ADPRM: variants seen among roughly 807,000 people sequenced by gnomAD.
ADPRM encodes ADP-ribose/CDP-alcohol diphosphatase, manganese dependent.
ADPRM carries 17 observed loss-of-function variants against 27.2 expected under a neutral mutation model. The observed-to-expected ratio is 0.63, with a 90% CI of 0.43 to 0.94. The LOEUF (loss-of-function observed/expected upper bound fraction) is 0.94. Ranked by LOEUF, ADPRM falls within the 40% of genes least tolerant of loss-of-function variation. The probability of loss-of-function intolerance (pLI) is 0.00; values close to 1 mark genes in which losing one functional copy is unlikely to be tolerated. For missense variants in ADPRM, 337 were observed against 412.8 expected (o/e 0.82, Z 1.59); for synonymous variants, 135 against 145.3 (o/e 0.93, Z 0.51).
chr17:10,703,467 A>G (rs2074792509), intron 1 of ADPRM, among the ~76,000 whole-genome samples: 1 of 152,236 alleles, frequency 6.6e-6, no homozygotes, highest in Admixed American at 6.5e-5. Context: ...TAAGGAAGAA[A>G]GTAGCTGAAA....
At chr17:10,698,809 T>C (rs1567578415) in intron 1 of ADPRM, among the ~76,000 whole-genome samples, 1 of 152,256 alleles carries the variant, frequency 6.6e-6, no homozygotes, top group Non-Finnish European at 1.5e-5. Context: ...TTTTCTATCT[T>C]ATAGTTGCCT....
chr17:10,699,969 T>A (rs932590808), intron 1 of ADPRM, among the ~76,000 whole-genome samples: 1 of 152,224 alleles, frequency 6.6e-6, no homozygotes, highest in African/African-American at 2.4e-5. Context: ...CCCTAACTTT[T>A]GTGAACTTCC....
At chr17:10,699,699 A>T (rs759133381) in intron 1 of ADPRM, among the ~76,000 whole-genome samples, 49 of 151,774 alleles carry the variant, frequency 3.2e-4, no homozygotes, top group Non-Finnish European at 5.4e-4. Flanking sequence ...TAATTTAAAA[A>T]ATATATATAT....
At chr17:10,698,326 T>A (rs1030053033) in intron 1 of ADPRM, 2 of 152,234 alleles carry the variant, frequency 1.3e-5, no homozygotes, top group Admixed American at 6.5e-5. Context: ...GAACTGCTTA[T>A]GTTCCTTGTT....
chr17:10,699,510 TTTTC>T lies in ADPRM; in HGVS notation c.-18+1851_-18+1854del, dbSNP rs1229245203. On this transcript the variant is annotated intron_variant, in intron 1 of 3. Coordinates refer to ENST00000379774, the MANE Select transcript of ADPRM (RefSeq NM_020233.5). ...TTGTTTTCCAAGTTAGATATTTTTC[TTTTC>T]TTTCTTTTTTTTTTTTTTTTTTTTT... Among the ~76,000 whole-genome samples, 204 of 149,894 alleles carry T rather than the reference TTTTC, an allele frequency of 1.4e-3. 1 individual carries two copies. The highest frequency in any genetic ancestry group is 2.4e-3 in the Non-Finnish European group (159 of 67,578).
At chr17:10,697,740 A>G in intron 1 of ADPRM, 73 bp downstream of exon 1, 1 of 609,626 alleles carries the variant, frequency 1.6e-6, no homozygotes, top group Non-Finnish European at 2.9e-6. Context: ...GGGACAGCGG[A>G]GCGCCGGGAA....
Position 10,705,133 on chromosome 17 carries a change from C to G in ADPRM, c.207C>G (p.Val69=). Residue 69 remains valine (V), a synonymous_variant, in exon 2 of 4, where the codon GTC becomes GTG. Transcript: ENST00000379774. The surrounding 1 kb of genome is among the most constrained non-coding windows in gnomAD (Gnocchi z 5.4). ...WNNESSMPCC[V]LQLGDIIDGY... is the part of the protein sequence containing the mutation. The stretch of plus-strand genomic sequence containing the variant: ...ATGAAAGCAGCATGCCCTGTTGTGT[C>G]CTTCAGCTTGGAGATATCATCGATG... The G allele has an allele frequency of 9.9e-6, 16 of 1,614,080 alleles. No individual in the cohort carries two copies. Among genetic ancestry groups the G allele is most frequent in the Non-Finnish European group, 1.2e-5 (14 of 1,180,012 alleles).
chr17:10,697,856 C>T (rs958159709), intron 1 of ADPRM, 189 bp downstream of exon 1: 108 of 332,208 alleles, frequency 3.3e-4, no homozygotes, highest in African/African-American at 2.3e-3. Context: ...ACAGCTAGCT[C>T]CTCGCGCCGG....
chr17:10,704,822 C>T (rs1045130930), intron 1 of ADPRM, 88 bp from the exon 2 acceptor site: 1 of 1,173,496 alleles, frequency 8.5e-7, no homozygotes, highest in Non-Finnish European at 1.2e-6. Flanking sequence ...AATGAATTAA[C>T]CTTTAACATT....
At chr17:10,697,698 C>T in intron 1 of ADPRM, 31 bp downstream of exon 1, 1 of 734,320 alleles carries the variant, frequency 1.4e-6, no homozygotes, top group Non-Finnish European at 2.3e-6. Flanking sequence ...GGAGGCGGGT[C>T]TGGCGCGGGC....
Position 10,705,024 on chromosome 17 carries a change from A to G in ADPRM, c.98A>G (p.Asp33Gly). Residue 33 changes from aspartate to glycine, a missense_variant, in exon 2 of 4, where the codon GAT (aspartate) becomes GGT (glycine). By Grantham distance (94) the Asp-to-Gly change is moderately conservative. Coordinates refer to ENST00000379774, the MANE Select transcript of ADPRM (RefSeq NM_020233.5). The surrounding 1 kb of genome is among the most constrained non-coding windows in gnomAD (Gnocchi z 5.4). ...IADVQFADLE[D>G]GFNFQGTRRR... ...GATGTTCAATTTGCAGACTTAGAAG[A>G]TGGCTTTAATTTCCAAGGAACCAGG... 6 of 1,614,170 alleles carry G rather than the reference A, an allele frequency of 3.7e-6. No homozygotes were observed. Among genetic ancestry groups the G allele is most frequent in the Non-Finnish European group, 5.1e-6 (6 of 1,180,020 alleles).
chr17:10,709,568 C>T (rs1231764906), intron 3 of ADPRM, among the ~76,000 whole-genome samples: 1 of 152,054 alleles, frequency 6.6e-6, no homozygotes, highest in African/African-American at 2.4e-5. Context: ...CAGTGGTGTC[C>T]TGGAATCCAA....
rs117080982 is a variant in ADPRM at position 10,702,533 on chromosome 17, C to T, written c.-17-2377C>T. 5.7e-3 allele frequency among the ~76,000 whole-genome samples: 866 copies of T among 152,316 alleles called. 1 individual carries two copies. Among genetic ancestry groups the T allele is most frequent in the Non-Finnish European group, 8.3e-3 (566 of 68,032 alleles). ...TTTTCAGAAATCTCCATCTTTCCATCATTCAGAATTGTTTCTTTCTATGTT... is the reference window on the plus strand; with the variant it reads ...TTTTCAGAAATCTCCATCTTTCCATTATTCAGAATTGTTTCTTTCTATGTT... On this transcript the variant is annotated intron_variant, in intron 1 of 3. Transcript: ENST00000379774. The surrounding 1 kb of genome is among the most constrained non-coding windows in gnomAD (Gnocchi z 4.2).
intron 1 of ADPRM, chr17:10,698,067 T>A (rs1410923702): frequency 1.9e-5 from 3 of 154,900 alleles, no homozygotes; most frequent in Non-Finnish European, 4.3e-5. Flanking sequence ...TTAAAAAAAA[T>A]TGCTAATTAG....
At position 10,702,488 on chromosome 17, in the gene ADPRM, A is replaced by G. The variant is rs951028535; in HGVS notation, c.-17-2422A>G. Among the ~76,000 whole-genome samples the G allele has an allele frequency of 2.0e-5, 3 of 152,240 alleles. No homozygotes were observed. The highest frequency in any genetic ancestry group is 7.2e-5 in the African/African-American group (3 of 41,468). On this transcript the variant is annotated intron_variant, in intron 1 of 3. Coordinates refer to ENST00000379774, the MANE Select transcript of ADPRM (RefSeq NM_020233.5). This position sits in a 1 kb window ranked among gnomAD's most constrained non-coding sequence, Gnocchi z 4.2. The stretch of plus-strand genomic sequence containing the variant: ...CCAGTGTTCTAGCAGGGACAGGTGA[A>G]TTTAGGTATTCAACTAATGTTTTCA...
At position 10,705,485 on chromosome 17, in the gene ADPRM, T is replaced by C. The variant is rs377511187; in HGVS notation, c.559T>C (p.Leu187=). Residue 187 remains leucine, a synonymous_variant, in exon 2 of 4, where the codon TTG becomes CTG. Coordinates refer to ENST00000379774, the MANE Select transcript of ADPRM (RefSeq NM_020233.5). The surrounding 1 kb of genome is among the most constrained non-coding windows in gnomAD (Gnocchi z 5.4). ...SPKYEQCMKI[L]REHNPNTELN... ...AAAATACGAGCAGTGTATGAAGATATTGAGGGAGCACAATCCAAATACGGA... is the reference window on the plus strand; with the variant it reads ...AAAATACGAGCAGTGTATGAAGATACTGAGGGAGCACAATCCAAATACGGA... 26 of 1,613,808 alleles carry C rather than the reference T, an allele frequency of 1.6e-5. No homozygotes were observed. In the East Asian group the frequency reaches 2.7e-4, roughly 17 times the overall value.
intron 3 of ADPRM, 64 bp from the exon 4 acceptor site, chr17:10,710,770 A>T: frequency 1.4e-6 from 2 of 1,476,242 alleles, no homozygotes; most frequent in Non-Finnish European, 1.8e-6. Context: ...GCTTTTAGCC[A>T]TTTATTTTTA....
chr17:10,697,817 C>T (rs1597512291), intron 1 of ADPRM, 150 bp downstream of exon 1: 2 of 203,662 alleles, frequency 9.8e-6, no homozygotes, highest in Admixed American at 3.6e-4. Flanking sequence ...CGCTGGGGGC[C>T]CCCGCTTTGG....
rs955676946 is a variant in ADPRM, at chr17:10,705,821, C to G, written c.601+294C>G. ...ATGGATGGAATGGAGGGAACAAACA[C>G]AGTACGTGGGCAAGACAGATGATAA... On this transcript the variant is annotated intron_variant, in intron 2 of 3. Coordinates refer to ENST00000379774, the MANE Select transcript of ADPRM (RefSeq NM_020233.5). This position sits in a 1 kb window ranked among gnomAD's most constrained non-coding sequence, Gnocchi z 5.4. 5 of 405,396 alleles carry G rather than the reference C, an allele frequency of 1.2e-5. No homozygotes were observed. The highest frequency in any genetic ancestry group is 7.8e-5 in the Admixed American group (2 of 25,596). The allele number at this position is 405,396 out of a possible 1,614,324, so 25.1% of individuals were successfully genotyped here.
Sources: gnomAD v4.1 joint callset for allele counts (sites outside exome capture counted in the v4.1 genomes callset) on GRCh38, gnomAD v4.1.1 for gene constraint, Gnocchi (gnomAD v3.1) non-coding constraint, MANE v1.5 for transcripts, NCBI Gene and HGNC (gene_info 2026-07-23, HGNC 2026-07-21) for gene names.